Variants in ADRA1A observed in about 807,000 individuals in gnomAD.
ADRA1A encodes the protein adrenoceptor alpha 1A.
ADRA1A carries 31 observed loss-of-function variants against 29.6 expected under a neutral mutation model. The observed-to-expected ratio is 1.05, with a 90% CI of 0.79 to 1.41. The LOEUF is 1.41. Among genes scored for constraint, ADRA1A ranks in the 40% most tolerant of loss-of-function variants. ADRA1A has a pLI of 0.00. For synonymous variants in ADRA1A, 311 were observed against 254.3 expected (o/e 1.22, Z -2.12); for missense variants, 619 against 601.1 (o/e 1.03, Z -0.31).
intron 2 of ADRA1A, among the ~76,000 whole-genome samples, chr8:26,845,801 G>A (rs1450935146): frequency 6.6e-6 from 1 of 152,180 alleles, no homozygotes; most frequent in Admixed American, 6.5e-5. Flanking sequence ...GATGAAGCTT[G>A]ATAACATTAT....
At position 26,806,873 on chromosome 8, in the gene ADRA1A, A is replaced by G. The variant is rs1809033781; in HGVS notation, c.884-36207T>C. ...GGGGAGGGGGCTGGCATCTGTGATAATGAGAGAAGATGCCTAGAGGGAGCT... is the reference window on the plus strand; with the variant it reads ...GGGGAGGGGGCTGGCATCTGTGATAGTGAGAGAAGATGCCTAGAGGGAGCT... On this transcript the variant is annotated intron_variant, in intron 2 of 2. Coordinates refer to ENST00000380573, the MANE Select transcript of ADRA1A (RefSeq NM_000680.4). This position sits in a 1 kb window ranked among gnomAD's most constrained non-coding sequence, Gnocchi z 4.6. 6.6e-6 allele frequency among the ~76,000 whole-genome samples: 1 copy of G among 152,138 alleles called. No homozygotes were observed. The highest frequency in any genetic ancestry group is 1.5e-5 in the Non-Finnish European group (1 of 68,022).
intron 2 of ADRA1A, among the ~76,000 whole-genome samples, chr8:26,797,866 T>G (rs114553316): frequency 6.6e-6 from 1 of 152,146 alleles, no homozygotes; most frequent in African/African-American, 2.4e-5. Context: ...AATTGTTAAG[T>G]GCTCATAAAG....
chr8:26,755,961 C>CT (rs957019636), downstream of ADRA1A, among the ~76,000 whole-genome samples: 4 of 151,874 alleles, frequency 2.6e-5, no homozygotes, highest in South Asian at 2.1e-4. Context: ...ATGTGCCTAA[C>CT]TTTTTTTTTC....
chr8:26,865,647 C>T lies in ADRA1A; in HGVS notation c.-678G>A. 3.0e-6 allele frequency: 3 copies of T among 985,998 alleles called. No individual in the cohort carries two copies. Among genetic ancestry groups the T allele is most frequent in the Non-Finnish European group, 3.6e-6 (3 of 830,520 alleles). The allele number at this position is 985,998 out of a possible 1,614,324, so 61.1% of individuals were successfully genotyped here. A position where few individuals can be genotyped will look rare whatever the true frequency, so the allele number is the denominator to read the frequency against. On this transcript the variant is annotated 5_prime_UTR_variant, in exon 2 of 3. Coordinates refer to ENST00000380573, the MANE Select transcript of ADRA1A (RefSeq NM_000680.4). The surrounding 1 kb of genome is among the most constrained non-coding windows in gnomAD (Gnocchi z 7.6). ...AGGAGGCTGCGGGGCATCGTTTGAC[C>T]GCGTCCACCTGAAAGAGCGCAAAGA...
chr8:26,768,609 C>T (rs1248407959), downstream of ADRA1A, among the ~76,000 whole-genome samples: 1 of 151,964 alleles, frequency 6.6e-6, no homozygotes, highest in Non-Finnish European at 1.5e-5. Context: ...CAAAAACAGT[C>T]AATTAAAAAT....
In ADRA1A at chr8:26,866,061, G is replaced by C. The variant is rs73564064; in HGVS notation, c.-686-406C>G. On this transcript the variant is annotated intron_variant, in intron 1 of 2. Transcript: ENST00000380573. This position sits in a 1 kb window ranked among gnomAD's most constrained non-coding sequence, Gnocchi z 5.7. ...CCGGGGAATTCTGGAGGATGTACTCGGTTTCCGTTAGAACAGGTTGCCTCG... is the reference window on the plus strand; with the variant it reads ...CCGGGGAATTCTGGAGGATGTACTCCGTTTCCGTTAGAACAGGTTGCCTCG... 2.2e-3 allele frequency among the ~76,000 whole-genome samples: 329 copies of C among 152,264 alleles called. 1 individual carries two copies. The highest frequency in any genetic ancestry group is 6.5e-3 in the African/African-American group (272 of 41,566).
intron 2 of ADRA1A, among the ~76,000 whole-genome samples, chr8:26,855,668 G>A (rs1447768359): frequency 6.6e-6 from 1 of 152,050 alleles, no homozygotes; most frequent in African/African-American, 2.4e-5. Context: ...GATAGGTAAA[G>A]CAAACCACAA....
chr8:26,867,146 TA>T lies in ADRA1A; in HGVS notation c.-898del. 1 of 985,298 alleles carries T rather than the reference TA, an allele frequency of 1.0e-6. No individual in the cohort carries two copies. Among genetic ancestry groups the T allele is most frequent in the Non-Finnish European group, 1.2e-6 (1 of 829,918 alleles). The allele number at this position is 985,298 out of a possible 1,614,324, so 61.0% of individuals were successfully genotyped here. On this transcript the variant is annotated 5_prime_UTR_variant, in exon 1 of 3. Transcript: ENST00000380573. ...CCGCTGTCACTTTACCTGCATTTTT[TA>T]AAAAGAGTCAAAATAAGAAAAGAAA...
chr8:26,796,214 TG>T lies in ADRA1A; in HGVS notation c.884-25549del, dbSNP rs1183146035. ...TGAATTAGTTTACAATTATTAAAATTGGGTTATAGGTACATCAGCTTCATTA... is the reference window on the plus strand; with the variant it reads ...TGAATTAGTTTACAATTATTAAAATTGGTTATAGGTACATCAGCTTCATTA... On this transcript the variant is annotated intron_variant, in intron 2 of 2. Transcript: ENST00000380573. This position sits in a 1 kb window ranked among gnomAD's most constrained non-coding sequence, Gnocchi z 5.0. 6.6e-6 allele frequency among the ~76,000 whole-genome samples: 1 copy of T among 152,158 alleles called. No individual in the cohort carries two copies. Among genetic ancestry groups the T allele is most frequent in the Non-Finnish European group, 1.5e-5 (1 of 68,008 alleles).
chr8:26,867,180 G>T lies in ADRA1A; in HGVS notation c.-931C>A. The T allele has an allele frequency of 3.0e-6, 3 of 985,338 alleles. No individual in the cohort carries two copies. Among genetic ancestry groups the T allele is most frequent in the Admixed American group, 6.1e-5 (1 of 16,292 alleles). 61.0% of individuals were successfully genotyped at this position (985,338 alleles called of 1,614,324 possible). A position where few individuals can be genotyped will look rare whatever the true frequency, so the allele number is the denominator to read the frequency against. ...TCAAAATAAGAAAAGAAAAAAAAAT[G>T]CAGATAACCGGTAACTCCACAATCA... is the stretch of plus-strand genomic sequence containing the variant. On this transcript the variant is annotated 5_prime_UTR_variant, in exon 1 of 3. Transcript: ENST00000380573.
At chr8:26,845,484 G>C (rs752260633) in intron 2 of ADRA1A, among the ~76,000 whole-genome samples, 2 of 152,188 alleles carry the variant, frequency 1.3e-5, no homozygotes, top group Non-Finnish European at 2.9e-5. Context: ...ATTGCTGGTG[G>C]GTATGTAAAC....
At position 26,775,137 on chromosome 8, in the gene ADRA1A, A is replaced by G. The variant is rs573813617; in HGVS notation, c.884-4471T>C. Among the ~76,000 whole-genome samples the G allele has an allele frequency of 1.3e-5, 2 of 152,294 alleles. No individual in the cohort carries two copies. Among genetic ancestry groups the G allele is most frequent in the South Asian group, 4.1e-4 (2 of 4,820 alleles). ...GAGCTCCAGAATCCAGTAAAATGCT[A>G]GAGTCTTGAAGGCATTCTCCTAGTT... On this transcript the variant is annotated intron_variant, in intron 2 of 2. Transcript: ENST00000380573. The surrounding 1 kb of genome is among the most constrained non-coding windows in gnomAD (Gnocchi z 4.1).
At chr8:26,836,126 G>A in intron 2 of ADRA1A, 1 of 207,258 alleles carries the variant, frequency 4.8e-6, no homozygotes, top group East Asian at 1.3e-4. Context: ...TCTCACAGAG[G>A]TGGAAGTCCA....
chr8:26,850,025 C>CAAAAAAAAAAAAAAAAAAACA (rs141672591), intron 2 of ADRA1A, among the ~76,000 whole-genome samples: 2 of 121,590 alleles, frequency 1.6e-5, no homozygotes, highest in African/African-American at 6.4e-5. Context: ...GAGAGAAATG[C>CAAAAAAAAAAAAAAAAAAACA]AAAAACAAAA....
exon 3 of ADRA1A, chr8:26,756,676 C>T (rs930367865): frequency 6.2e-7 from 1 of 1,611,944 alleles, no homozygotes; most frequent in African/African-American, 1.3e-5. Context: ...ATTCCAAAGA[C>T]AGTGGGTCGC....
chr8:26,797,322 C>T (rs1240869728), intron 2 of ADRA1A, among the ~76,000 whole-genome samples: 2 of 151,890 alleles, frequency 1.3e-5, no homozygotes, highest in South Asian at 2.1e-4. Flanking sequence ...TTTAAAACAG[C>T]GTCTCGCTCT....
At chr8:26,763,112 T>C (rs1805595494), downstream of ADRA1A, among the ~76,000 whole-genome samples, 2 of 152,102 alleles carry the variant, frequency 1.3e-5, no homozygotes, top group South Asian at 4.1e-4. This position sits in a 1 kb window ranked among gnomAD's most constrained non-coding sequence, Gnocchi z 4.5. Context: ...AGAGAAATTC[T>C]GCATCCTATC....
chr8:26,817,968 A>G (rs764264633), intron 2 of ADRA1A, among the ~76,000 whole-genome samples: 26 of 152,362 alleles, frequency 1.7e-4, no homozygotes, highest in Non-Finnish European at 3.4e-4. Context: ...ATTGATGAAT[A>G]CACTGTGGTG....
intron 2 of ADRA1A, among the ~76,000 whole-genome samples, chr8:26,822,854 G>A (rs925403114): frequency 1.3e-5 from 2 of 152,190 alleles, no homozygotes; most frequent in African/African-American, 4.8e-5. Context: ...CATAGCTGGA[G>A]CAGAAGCAAG....
Sources: gnomAD v4.1 joint callset for allele counts (sites outside exome capture counted in the v4.1 genomes callset) on GRCh38, gnomAD v4.1.1 for gene constraint, Gnocchi (gnomAD v3.1) non-coding constraint, MANE v1.5 for transcripts, NCBI Gene and HGNC (gene_info 2026-07-23, HGNC 2026-07-21) for gene names.